AUTS2: variants seen among roughly 807,000 people sequenced by gnomAD.
The protein encoded by AUTS2 is activator of transcription and developmental regulator AUTS2, also known as autism susceptibility gene 2 protein.
Under a neutral mutation model 112.4 loss-of-function variants are expected in AUTS2, and 17 were observed. The ratio of observed to expected loss-of-function variants is 0.15; its 90% CI spans 0.10 to 0.23. The LOEUF (loss-of-function observed/expected upper bound fraction) is 0.23, where lower values mean the gene tolerates loss of function less well. AUTS2 is among the 10% of genes least tolerant of loss of function. The probability of loss-of-function intolerance (pLI) is 1.00; values close to 1 mark genes in which losing one functional copy is unlikely to be tolerated. For missense variants in AUTS2, 1,510 were observed against 1,701.6 expected (o/e 0.89, Z 1.98); for synonymous variants, 751 against 702.7 (o/e 1.07, Z -1.09).
intron 1 of AUTS2, among the ~76,000 whole-genome samples, chr7:69,601,758 G>T (rs1469333552): frequency 1.3e-5 from 2 of 152,136 alleles, no homozygotes; most frequent in African/African-American, 4.8e-5. Context: ...AAGGTGGGTG[G>T]TGGTTACCAT....
At chr7:70,738,326 A>C (rs1787889105) in intron 6 of AUTS2, among the ~76,000 whole-genome samples, 1 of 151,838 alleles carries the variant, frequency 6.6e-6, no homozygotes, top group South Asian at 2.1e-4. Context: ...TTGCTGCTGG[A>C]GCAGATGAAA....
intron 2 of AUTS2, among the ~76,000 whole-genome samples, chr7:69,958,025 G>T (rs1158854544): frequency 1.3e-5 from 2 of 152,106 alleles, no homozygotes; most frequent in African/African-American, 2.4e-5. Flanking sequence ...AAGGGCGAAG[G>T]ACAGGCATTC....
At chr7:69,908,274 C>A (rs550975197) in intron 2 of AUTS2, among the ~76,000 whole-genome samples, 5 of 152,292 alleles carry the variant, frequency 3.3e-5, no homozygotes, top group Non-Finnish European at 7.4e-5. Flanking sequence ...GCCACAGGAA[C>A]CCAGCTGTTT....
chr7:70,701,606 C>A (rs7785520), intron 6 of AUTS2, among the ~76,000 whole-genome samples: 19,332 of 152,114 alleles, frequency 0.13, 1,688 homozygotes, highest in East Asian at 0.42. Context: ...TTTTCTTCTC[C>A]TGCCTTTTAT....
chr7:70,655,120 C>T (rs2129542168), intron 5 of AUTS2, among the ~76,000 whole-genome samples: 1 of 152,314 alleles, frequency 6.6e-6, no homozygotes, highest in South Asian at 2.1e-4. Flanking sequence ...GGGCCCATTG[C>T]TCTTGGGACA....
chr7:70,301,991 T>C (rs1427499677), intron 4 of AUTS2, among the ~76,000 whole-genome samples: 2 of 152,042 alleles, frequency 1.3e-5, no homozygotes, highest in Non-Finnish European at 2.9e-5. Flanking sequence ...TTGCCCAGGC[T>C]TATCTGGAAC....
At chr7:69,650,638 G>A (rs1795247921) in intron 1 of AUTS2, among the ~76,000 whole-genome samples, 4 of 152,216 alleles carry the variant, frequency 2.6e-5, no homozygotes, top group African/African-American at 9.7e-5. Flanking sequence ...AGACAGTGAT[G>A]GTAGAGCATT....
At chr7:70,599,919 T>G (rs1418241518) in intron 5 of AUTS2, among the ~76,000 whole-genome samples, 2 of 152,200 alleles carry the variant, frequency 1.3e-5, no homozygotes, top group African/African-American at 2.4e-5. Context: ...GTCCACCACA[T>G]GCACTGAAGT....
At chr7:70,110,935 G>T (rs888799412) in intron 2 of AUTS2, among the ~76,000 whole-genome samples, 1 of 138,344 alleles carries the variant, frequency 7.2e-6, no homozygotes, top group Non-Finnish European at 1.5e-5. Flanking sequence ...GCAGTGGCGC[G>T]ATCTCAGCTC....
intron 1 of AUTS2, among the ~76,000 whole-genome samples, chr7:69,887,555 T>C (rs1375345602): frequency 6.6e-6 from 1 of 152,192 alleles, no homozygotes; most frequent in African/African-American, 2.4e-5. Flanking sequence ...AGCTAGTTGC[T>C]GAATACTTCT....
chr7:69,898,295 T>C (rs1794835646), intron 1 of AUTS2, among the ~76,000 whole-genome samples: 2 of 152,204 alleles, frequency 1.3e-5, no homozygotes, highest in Admixed American at 6.5e-5. Context: ...GTAAGAGGAT[T>C]AGATCCACTA....
chr7:69,964,661 C>G (rs1241588154), intron 2 of AUTS2, among the ~76,000 whole-genome samples: 1 of 151,770 alleles, frequency 6.6e-6, no homozygotes, highest in East Asian at 1.9e-4. Flanking sequence ...CTTTCATTAC[C>G]TTACTTTTTT....
At chr7:69,908,896 G>A (rs1680760024) in intron 2 of AUTS2, among the ~76,000 whole-genome samples, 4 of 152,144 alleles carry the variant, frequency 2.6e-5, no homozygotes. Context: ...CCCTATGTCA[G>A]AGCAACTGTG....
chr7:69,679,479 T>C (rs1449971822), intron 1 of AUTS2, among the ~76,000 whole-genome samples: 1 of 152,240 alleles, frequency 6.6e-6, no homozygotes, highest in Non-Finnish European at 1.5e-5. Context: ...TCAGTAAACT[T>C]AGCTATTGCA....
intron 1 of AUTS2, among the ~76,000 whole-genome samples, chr7:69,813,385 G>A (rs1426974450): frequency 1.3e-5 from 2 of 152,146 alleles, no homozygotes; most frequent in Admixed American, 1.3e-4. Context: ...AGAGATTCTA[G>A]CACATTTGGA....
At chr7:69,857,769 T>G (rs1792798762) in intron 1 of AUTS2, among the ~76,000 whole-genome samples, 1 of 151,658 alleles carries the variant, frequency 6.6e-6, no homozygotes, top group Non-Finnish European at 1.5e-5. Flanking sequence ...GTGAGCTGGG[T>G]TTGTGCCACT....
At chr7:69,704,215 A>G (rs1404990543) in intron 1 of AUTS2, among the ~76,000 whole-genome samples, 1 of 151,968 alleles carries the variant, frequency 6.6e-6, no homozygotes, top group South Asian at 2.1e-4. Flanking sequence ...TGTCCATAGG[A>G]TACACTGTTT....
intron 2 of AUTS2, among the ~76,000 whole-genome samples, chr7:69,969,635 A>T (rs1797766628): frequency 6.6e-6 from 1 of 152,184 alleles, no homozygotes; most frequent in South Asian, 2.1e-4. Flanking sequence ...CTTAGTGTAA[A>T]CACAGGGACA....
chr7:70,725,210 G>A (rs1786956106), intron 6 of AUTS2, among the ~76,000 whole-genome samples: 1 of 152,154 alleles, frequency 6.6e-6, no homozygotes, highest in African/African-American at 2.4e-5. Flanking sequence ...CTTTGAAAGT[G>A]GTTTACCCTT....
Sources: gnomAD v4.1 joint callset for allele counts (sites outside exome capture counted in the v4.1 genomes callset) on GRCh38, gnomAD v4.1.1 for gene constraint, MANE v1.5 for transcripts, NCBI Gene and HGNC (gene_info 2026-07-23, HGNC 2026-07-21) for gene names.